Variants in FBXL17 observed in about 807,000 individuals in gnomAD.
The protein encoded by FBXL17 is F-box/LRR-repeat protein 17.
Under a neutral mutation model 66.2 loss-of-function variants are expected in FBXL17, and 22 were observed. The observed-to-expected ratio is 0.33, with a 90% CI of 0.24 to 0.47. FBXL17 has a LOEUF of 0.47. FBXL17 is among the 20% of genes least tolerant of loss of function. The pLI, the probability that FBXL17 is intolerant of heterozygous loss-of-function variation, is 1.00. For missense variants in FBXL17, 878 were observed against 948.2 expected (o/e 0.93, Z 0.97); for synonymous variants, 474 against 400.5 (o/e 1.18, Z -2.19).
chr5:108,320,448 A>T (rs1186828278), intron 4 of FBXL17, among the ~76,000 whole-genome samples: 1 of 151,404 alleles, frequency 6.6e-6, no homozygotes, highest in Non-Finnish European at 1.5e-5. Flanking sequence ...GAAAGCATCC[A>T]AAAAAAAATT....
intron 5 of FBXL17, among the ~76,000 whole-genome samples, chr5:108,207,837 C>A (rs1051042581): frequency 1.3e-5 from 2 of 152,172 alleles, no homozygotes; most frequent in Non-Finnish European, 2.9e-5. Context: ...GGTATATACC[C>A]AGTAATGGGA....
intron 6 of FBXL17, among the ~76,000 whole-genome samples, chr5:108,060,995 A>C (rs1262298944): frequency 6.6e-6 from 1 of 152,026 alleles, no homozygotes; most frequent in East Asian, 1.9e-4. Context: ...TAATTCAAAA[A>C]AATTTTCCTG....
intron 4 of FBXL17, among the ~76,000 whole-genome samples, chr5:108,260,036 A>AAC (rs1393990502): frequency 2.0e-5 from 3 of 150,938 alleles, no homozygotes; most frequent in Admixed American, 2.0e-4. Context: ...AAAAAAAACA[A>AAC]AAAAAAAACC....
chr5:107,951,847 C>T (rs550714887), intron 7 of FBXL17, among the ~76,000 whole-genome samples: 59 of 152,296 alleles, frequency 3.9e-4, no homozygotes, highest in African/African-American at 1.3e-3. Flanking sequence ...ACAGTAGCAA[C>T]AAAAATTCTC....
At chr5:108,218,034 T>A (rs1206342659) in intron 5 of FBXL17, among the ~76,000 whole-genome samples, 1 of 123,326 alleles carries the variant, frequency 8.1e-6, no homozygotes, top group Non-Finnish European at 1.8e-5. Flanking sequence ...TTTTTTTTTT[T>A]TGAGACAGAG....
At chr5:108,142,978 T>TATAATAATAATAATA (rs10623997) in intron 6 of FBXL17, among the ~76,000 whole-genome samples, 15,971 of 144,962 alleles carry the variant, frequency 0.11, 1,100 homozygotes, top group Non-Finnish European at 0.15. Context: ...GAACATAAAG[T>TATAATAATAATAATA]ATAATAATAA....
chr5:108,111,062 C>G (rs1016097824), intron 6 of FBXL17, among the ~76,000 whole-genome samples: 3 of 152,094 alleles, frequency 2.0e-5, no homozygotes, highest in Non-Finnish European at 4.4e-5. Flanking sequence ...TTCTACAGTT[C>G]CAGCTGAGCA....
chr5:108,094,254 G>A (rs991539035), intron 6 of FBXL17, among the ~76,000 whole-genome samples: 2 of 152,038 alleles, frequency 1.3e-5, no homozygotes, highest in Non-Finnish European at 2.9e-5. Context: ...TAGAACATGA[G>A]GGAAAAGCTC....
intron 4 of FBXL17, among the ~76,000 whole-genome samples, chr5:108,338,015 T>C (rs1746624042): frequency 6.6e-6 from 1 of 152,052 alleles, no homozygotes; most frequent in Admixed American, 6.5e-5. Context: ...TTATATATGA[T>C]AAACAGAGAT....
intron 6 of FBXL17, among the ~76,000 whole-genome samples, chr5:108,182,697 A>T (rs1753053495): frequency 6.6e-6 from 1 of 152,216 alleles, no homozygotes. Context: ...GTTAAGTAGG[A>T]AAAAAATGAC....
chr5:108,011,931 C>T (rs986423895), intron 7 of FBXL17, among the ~76,000 whole-genome samples: 2 of 152,082 alleles, frequency 1.3e-5, no homozygotes, highest in Non-Finnish European at 2.9e-5. Context: ...AAAGCAATTG[C>T]TTACATTTCT....
rs368822917 is a variant in FBXL17 at position 108,060,332 on chromosome 5, A to G, written c.1746-39331T>C. Among the ~76,000 whole-genome samples the G allele has an allele frequency of 5.5e-4, 84 of 152,286 alleles. 1 individual carries two copies. In the East Asian group the frequency reaches 0.011, roughly 21 times the overall value. ...TAAGAAATTACTCCGGTTGGATTAC[A>G]CATGGTAAAGAGGCAGTGAGATTGT... is the stretch of plus-strand genomic sequence containing the variant. On this transcript the variant is annotated intron_variant, in intron 6 of 8. Transcript: ENST00000542267.
intron 7 of FBXL17, among the ~76,000 whole-genome samples, chr5:107,914,212 T>C (rs868785180): frequency 1.3e-5 from 2 of 152,104 alleles, no homozygotes; most frequent in Non-Finnish European, 1.5e-5. Context: ...TTTAAGTGGA[T>C]TGATGGGTTA....
chr5:108,161,731 G>C lies in FBXL17; in HGVS notation c.1745+24386C>G, dbSNP rs146996226. Among the ~76,000 whole-genome samples, 65 of 152,260 alleles carry C rather than the reference G, an allele frequency of 4.3e-4. 1 individual carries two copies. The highest frequency in any genetic ancestry group is 1.6e-3 in the African/African-American group (65 of 41,552). ...ATGTAAAGAAATTTGGTTGCAATAGGAATTTTTAGTTAAATACTATATCCC... is the reference window on the plus strand; with the variant it reads ...ATGTAAAGAAATTTGGTTGCAATAGCAATTTTTAGTTAAATACTATATCCC... On this transcript the variant is annotated intron_variant, in intron 6 of 8. Coordinates refer to ENST00000542267, the MANE Select transcript of FBXL17 (RefSeq NM_001163315.3).
intron 6 of FBXL17, among the ~76,000 whole-genome samples, chr5:108,107,239 G>C (rs1280493771): frequency 1.3e-5 from 2 of 151,914 alleles, no homozygotes; most frequent in Non-Finnish European, 2.9e-5. Context: ...GCCTGGCTAA[G>C]TTTTGTATTT....
intron 4 of FBXL17, among the ~76,000 whole-genome samples, chr5:108,302,588 A>T (rs954949749): frequency 1.3e-5 from 2 of 151,654 alleles, no homozygotes. Flanking sequence ...TAATTAAGAT[A>T]ATTTTCCTCT....
intron 7 of FBXL17, among the ~76,000 whole-genome samples, chr5:107,908,408 G>A (rs962354280): frequency 6.6e-6 from 1 of 152,088 alleles, no homozygotes; most frequent in African/African-American, 2.4e-5. Context: ...CTTAGGCCTG[G>A]AATACAAAAG....
At chr5:107,920,112 T>G (rs955311723) in intron 7 of FBXL17, among the ~76,000 whole-genome samples, 3 of 152,208 alleles carry the variant, frequency 2.0e-5, no homozygotes, top group Non-Finnish European at 4.4e-5. Context: ...ATTAGACATT[T>G]CAAATGCCAT....
chr5:107,994,666 C>T (rs10077214), intron 7 of FBXL17, among the ~76,000 whole-genome samples: 21,377 of 151,894 alleles, frequency 0.14, 4,085 homozygotes, highest in African/African-American at 0.43. Context: ...GGTGAAACCC[C>T]ATCTCTACCA....
Sources: gnomAD v4.1 joint callset for allele counts (sites outside exome capture counted in the v4.1 genomes callset) on GRCh38, gnomAD v4.1.1 for gene constraint, MANE v1.5 for transcripts, NCBI Gene and HGNC (gene_info 2026-07-23, HGNC 2026-07-21) for gene names.